The following TMEM74 variants were observed in gnomAD, a reference collection of about 807,000 sequenced individuals.
TMEM74 encodes the protein transmembrane protein 74.
A neutral mutation model predicts 18.1 loss-of-function variants in TMEM74; 13 were observed. The ratio of observed to expected loss-of-function variants is 0.72; its 90% CI spans 0.47 to 1.14. TMEM74 has a LOEUF of 1.14. Among genes scored for constraint, TMEM74 ranks in the 50% most tolerant of loss-of-function variants. TMEM74 has a pLI of 0.00. For missense variants in TMEM74, 372 were observed against 375.9 expected (o/e 0.99, Z 0.09); for synonymous variants, 159 against 146.6 (o/e 1.08, Z -0.61).
At chr8:108,651,930 C>T (rs1183614669) in intron 2 of TMEM74, among the ~76,000 whole-genome samples, 4 of 150,744 alleles carry the variant, frequency 2.7e-5, no homozygotes, top group Admixed American at 2.6e-4. Flanking sequence ...AGTGTTACGA[C>T]CATGTGTCGC....
intron 1 of TMEM74, among the ~76,000 whole-genome samples, chr8:108,720,687 A>G (rs572850063): frequency 1.9e-4 from 29 of 152,324 alleles, no homozygotes; most frequent in African/African-American, 6.7e-4. Flanking sequence ...AAGTTGTCAA[A>G]TAAGTAAAAT....
intron 1 of TMEM74, among the ~76,000 whole-genome samples, chr8:108,685,462 C>T (rs1813158094): frequency 6.6e-6 from 1 of 152,104 alleles, no homozygotes; most frequent in Admixed American, 6.6e-5. Flanking sequence ...CTGGCTAGGA[C>T]TTCCTCAACA....
intron 1 of TMEM74, among the ~76,000 whole-genome samples, chr8:108,759,084 G>T (rs1207120403): frequency 1.5e-4 from 23 of 151,966 alleles, no homozygotes; most frequent in Admixed American, 1.5e-3. Flanking sequence ...CCATGTATTA[G>T]AAGTAACAGT....
chr8:108,628,501 A>C (rs1029976479), intron 2 of TMEM74, among the ~76,000 whole-genome samples: 1 of 152,082 alleles, frequency 6.6e-6, no homozygotes, highest in African/African-American at 2.4e-5. Context: ...TATGGTGTAT[A>C]CATGCCACAT....
Position 108,727,564 on chromosome 8 carries a change from A to G in TMEM74, n.119+59912T>C, listed in dbSNP as rs1395962037. Among the ~76,000 whole-genome samples, 3 of 152,176 alleles carry G rather than the reference A, an allele frequency of 2.0e-5. No homozygotes were observed. In the East Asian group the frequency reaches 5.8e-4, roughly 29 times the overall value. ...CTGTGGTGAAGCTAGTTTTTTGAGG[A>G]GAAAAGATCAGAAATTCAGTTTTGT... On this transcript the variant is annotated intron_variant and non_coding_transcript_variant, in intron 1 of 3. Coordinates refer to the TMEM74 transcript ENST00000518838.
intron 2 of TMEM74, chr8:108,652,523 T>A: frequency 2.0e-6 from 1 of 488,384 alleles, no homozygotes; most frequent in Non-Finnish European, 3.8e-6. Context: ...ACCACCAGAG[T>A]GCAGGATGGT....
intron 1 of TMEM74, among the ~76,000 whole-genome samples, chr8:108,709,404 G>C (rs1038923025): frequency 6.6e-6 from 1 of 152,158 alleles, no homozygotes; most frequent in Non-Finnish European, 1.5e-5. Context: ...GGGACATTAT[G>C]CTAAGTGAAA....
At chr8:108,772,994 A>T (rs1433910787) in intron 1 of TMEM74, among the ~76,000 whole-genome samples, 2 of 152,188 alleles carry the variant, frequency 1.3e-5, no homozygotes, top group East Asian at 3.8e-4. Context: ...ATAAGCATCA[A>T]TAAGTAAGTT....
intron 2 of TMEM74, among the ~76,000 whole-genome samples, chr8:108,639,435 A>G (rs1812640976): frequency 6.6e-6 from 1 of 152,118 alleles, no homozygotes. Context: ...CTAGTTCTTT[A>G]TACACACACA....
At chr8:108,611,326 C>A (rs1812331738) in intron 2 of TMEM74, among the ~76,000 whole-genome samples, 1 of 152,020 alleles carries the variant, frequency 6.6e-6, no homozygotes, top group Non-Finnish European at 1.5e-5. Context: ...ACATTAAGAA[C>A]AATAAATCTG....
At chr8:108,776,116 T>G (rs1814231087), downstream of TMEM74, among the ~76,000 whole-genome samples, 1 of 152,234 alleles carries the variant, frequency 6.6e-6, no homozygotes. Flanking sequence ...ATCTTTTAAG[T>G]TTTAGCTCTA....
chr8:108,654,403 T>G (rs1176002098), intron 2 of TMEM74, among the ~76,000 whole-genome samples: 4 of 152,148 alleles, frequency 2.6e-5, no homozygotes. Context: ...AATTAGTTAA[T>G]ATGGAAAAAG....
At chr8:108,688,551 G>A (rs1813194761) in intron 1 of TMEM74, among the ~76,000 whole-genome samples, 1 of 152,236 alleles carries the variant, frequency 6.6e-6, no homozygotes, top group African/African-American at 2.4e-5. Flanking sequence ...TAGAAATGAA[G>A]TGGGGAGAGC....
intron 1 of TMEM74, among the ~76,000 whole-genome samples, chr8:108,756,599 A>AGAAAGGAAGG (rs1586286215): frequency 1.6e-4 from 8 of 51,546 alleles, no homozygotes; most frequent in Non-Finnish European, 2.2e-4. Context: ...AAAGAAAGAG[A>AGAAAGGAAGG]AAGGAAGGAA....
At chr8:108,711,935 CTATAGA>C (rs996395709) in intron 1 of TMEM74, among the ~76,000 whole-genome samples, 17 of 152,036 alleles carry the variant, frequency 1.1e-4, no homozygotes, top group Middle Eastern at 3.4e-3. Context: ...ATATCTATAT[CTATAGA>C]TATAGATATA....
intron 1 of TMEM74, among the ~76,000 whole-genome samples, chr8:108,698,249 T>G (rs530203238): frequency 4.7e-4 from 72 of 152,240 alleles, no homozygotes; most frequent in Non-Finnish European, 9.8e-4. Flanking sequence ...TGTTTGACTT[T>G]CAAGCTCAGA....
At chr8:108,771,518 T>G (rs1412380521) in intron 1 of TMEM74, among the ~76,000 whole-genome samples, 1 of 152,206 alleles carries the variant, frequency 6.6e-6, no homozygotes, top group African/African-American at 2.4e-5. Flanking sequence ...TCTGGTCTTA[T>G]GTATATATAA....
Position 108,784,865 on chromosome 8 carries a change from T to G in TMEM74, c.234A>C (p.Pro78=), listed in dbSNP as rs767410796. 1.2e-5 allele frequency: 20 copies of G among 1,614,104 alleles called. No individual in the cohort carries two copies. In the Admixed American group the frequency reaches 2.2e-4, roughly 17 times the overall value. ...SSSLQNSTLQ[P]DAFPPGLLHS... The stretch of plus-strand genomic sequence containing the variant: ...GGAGAAGTCCTGGTGGAAAGGCATC[T>G]GGCTGAAGAGTACTGTTTTGCAGAG... Residue 78 remains proline, a synonymous_variant, in exon 2 of 2, where the codon CCA becomes CCC. Coordinates refer to ENST00000297459, the MANE Select transcript of TMEM74 (RefSeq NM_153015.3).
At chr8:108,761,982 A>G (rs1814049971) in intron 1 of TMEM74, among the ~76,000 whole-genome samples, 1 of 152,172 alleles carries the variant, frequency 6.6e-6, no homozygotes, top group Non-Finnish European at 1.5e-5. Flanking sequence ...ACCTAATGCA[A>G]TCCCTCTTAC....
Sources: gnomAD v4.1 joint callset for allele counts (sites outside exome capture counted in the v4.1 genomes callset) on GRCh38, gnomAD v4.1.1 for gene constraint, MANE v1.5 for transcripts, NCBI Gene and HGNC (gene_info 2026-07-23, HGNC 2026-07-21) for gene names.